Variants in TOP1 observed in about 807,000 individuals in gnomAD.
TOP1 encodes the protein DNA topoisomerase I.
TOP1 carries 10 observed loss-of-function variants against 111.1 expected under a neutral mutation model. The ratio of observed to expected loss-of-function variants is 0.09; its 90% CI spans 0.06 to 0.15. TOP1 has a LOEUF of 0.15. TOP1 is among the 10% of genes least tolerant of loss of function. The probability of loss-of-function intolerance (pLI) is 1.00; values close to 1 mark genes in which losing one functional copy is unlikely to be tolerated. For missense variants in TOP1, 474 were observed against 926.7 expected (o/e 0.51, Z 6.34); for synonymous variants, 271 against 302.9 (o/e 0.89, Z 1.10).
At position 41,114,953 on chromosome 20, in the gene TOP1, A is replaced by T. The variant is rs142860472; in HGVS notation, c.1639-418A>T. On this transcript the variant is annotated intron_variant, in intron 15 of 20. Transcript: ENST00000361337. This position sits in a 1 kb window ranked among gnomAD's most constrained non-coding sequence, Gnocchi z 4.5. ...GACAGATTAGATAACAGTATGTATCAATGTAAATTTTTGAAGCTGATACTG... is the reference window on the plus strand; with the variant it reads ...GACAGATTAGATAACAGTATGTATCTATGTAAATTTTTGAAGCTGATACTG... Among the ~76,000 whole-genome samples, 161 of 152,332 alleles carry T rather than the reference A, an allele frequency of 1.1e-3. No individual in the cohort carries two copies. The highest frequency in any genetic ancestry group is 3.6e-3 in the African/African-American group (148 of 41,564).
chr20:41,076,148 C>T, intron 3 of TOP1, 23 bp from the exon 4 acceptor site: 1 of 1,602,452 alleles, frequency 6.2e-7, no homozygotes. Context: ...TGGGCTAACG[C>T]TTTGTGACTT....
At chr20:41,093,961 G>A (rs1471043849) in intron 9 of TOP1, among the ~76,000 whole-genome samples, 1 of 152,202 alleles carries the variant, frequency 6.6e-6, no homozygotes, top group Non-Finnish European at 1.5e-5. Flanking sequence ...GCTAAGGTGG[G>A]AGGATTGCTT....
intron 5 of TOP1, 29 bp downstream of exon 5, chr20:41,077,666 C>G: frequency 2.5e-6 from 4 of 1,608,570 alleles, no homozygotes; most frequent in Non-Finnish European, 3.4e-6. Flanking sequence ...GTGGGCTTCC[C>G]TTTCTCTGGG....
At chr20:41,062,823 G>T (rs2033561549) in intron 3 of TOP1, among the ~76,000 whole-genome samples, 1 of 152,132 alleles carries the variant, frequency 6.6e-6, no homozygotes. Context: ...AATAATTAAG[G>T]ATATGGAAGA....
Position 41,092,412 on chromosome 20 carries a change from T to C in TOP1, c.615-60T>C. On this transcript the variant is annotated intron_variant, in intron 8 of 20. Transcript: ENST00000361337. The surrounding 1 kb of genome is among the most constrained non-coding windows in gnomAD (Gnocchi z 4.3). Reference sequence around the variant, plus strand: ...GGATAATTATTTGGCATTTAATCAGTGATGATCCCCATGTTAGACAAGGCG... The same window carrying C: ...GGATAATTATTTGGCATTTAATCAGCGATGATCCCCATGTTAGACAAGGCG... 1 of 806,262 alleles carries C rather than the reference T, an allele frequency of 1.2e-6. No individual in the cohort carries two copies. Among genetic ancestry groups the C allele is most frequent in the Non-Finnish European group, 2.0e-6 (1 of 500,492 alleles). The allele number at this position is 806,262 out of a possible 1,614,324, so 49.9% of individuals were successfully genotyped here.
At chr20:41,088,245 T>C (rs1043301351) in intron 8 of TOP1, among the ~76,000 whole-genome samples, 5 of 152,214 alleles carry the variant, frequency 3.3e-5, no homozygotes, top group Admixed American at 3.3e-4. Flanking sequence ...ACGCCTGTAA[T>C]CCCAGCACTT....
rs536866128 is a variant in TOP1, at chr20:41,034,531, G to A, written c.58+5076G>A. On this transcript the variant is annotated intron_variant, in intron 2 of 20. Transcript: ENST00000361337. The surrounding 1 kb of genome is among the most constrained non-coding windows in gnomAD (Gnocchi z 4.0). ...GGCAGGGTGGACAAAGTTTGATTGG[G>A]GGTTGCGGGGAAGCTTGTAGAGGAA... 1.1e-4 allele frequency among the ~76,000 whole-genome samples: 17 copies of A among 152,302 alleles called. No homozygotes were observed. Among genetic ancestry groups the A allele is most frequent in the Admixed American group, 4.6e-4 (7 of 15,308 alleles).
chr20:41,057,210 G>A (rs546648434), intron 2 of TOP1, among the ~76,000 whole-genome samples: 30 of 149,902 alleles, frequency 2.0e-4, no homozygotes, highest in South Asian at 1.1e-3. Flanking sequence ...AGGTTGCAGT[G>A]AGCCGAGATC....
Position 41,115,291 on chromosome 20 carries a change from A to G in TOP1, c.1639-80A>G. 2.1e-6 allele frequency: 2 copies of G among 965,102 alleles called. No homozygotes were observed. The highest frequency in any genetic ancestry group is 3.2e-6 in the Non-Finnish European group (2 of 619,892). The allele number at this position is 965,102 out of a possible 1,614,324, so 59.8% of individuals were successfully genotyped here. On this transcript the variant is annotated intron_variant, in intron 15 of 20. Coordinates refer to ENST00000361337, the MANE Select transcript of TOP1 (RefSeq NM_003286.4). This position sits in a 1 kb window ranked among gnomAD's most constrained non-coding sequence, Gnocchi z 6.3. ...TGTTCCTTGTGCCTTTTTCTTTGCAAGTTTCTTTAAGTTTGGGGTTATTTC... is the reference window on the plus strand; with the variant it reads ...TGTTCCTTGTGCCTTTTTCTTTGCAGGTTTCTTTAAGTTTGGGGTTATTTC...
In TOP1 at chr20:41,071,860, C is replaced by T. The variant is rs151162304; in HGVS notation, c.156-4311C>T. On this transcript the variant is annotated intron_variant, in intron 3 of 20. Transcript: ENST00000361337. This position sits in a 1 kb window ranked among gnomAD's most constrained non-coding sequence, Gnocchi z 4.3. ...CCTAGCCAATAATTGGTTGTTTTCTCGTTCAGAGTTCCTCATGCCCATGGG... is the reference window on the plus strand; with the variant it reads ...CCTAGCCAATAATTGGTTGTTTTCTTGTTCAGAGTTCCTCATGCCCATGGG... 2.0e-4 allele frequency among the ~76,000 whole-genome samples: 30 copies of T among 152,294 alleles called. No homozygotes were observed. The East Asian group carries it at 4.6e-3, about 24-fold the overall frequency.
Position 41,046,685 on chromosome 20 carries a change from G to T in TOP1, c.59-14709G>T, listed in dbSNP as rs2033338724. On this transcript the variant is annotated intron_variant, in intron 2 of 20. Transcript: ENST00000361337. The surrounding 1 kb of genome is among the most constrained non-coding windows in gnomAD (Gnocchi z 4.3). ...ACCTATTTGAGTATTCAAGAAAAAG[G>T]ATCTTTTTGTTAACTAAGGATTAAC... Among the ~76,000 whole-genome samples the T allele has an allele frequency of 1.3e-5, 2 of 152,156 alleles. No homozygotes were observed. The highest frequency in any genetic ancestry group is 4.1e-4 in the South Asian group (2 of 4,824).
In TOP1 at chr20:41,029,345, G is replaced by C. The variant is rs1490178618; in HGVS notation, c.34-86G>C. ...GTCCCCGTCCTCCCCGGGGGCGCAG[G>C]GTGAGCCAGACCCCGGCCGCGCGCG... On this transcript the variant is annotated intron_variant, in intron 1 of 20. Coordinates refer to ENST00000361337, the MANE Select transcript of TOP1 (RefSeq NM_003286.4). The surrounding 1 kb of genome is among the most constrained non-coding windows in gnomAD (Gnocchi z 6.1). The C allele has an allele frequency of 7.9e-7, 1 of 1,272,150 alleles. No homozygotes were observed. Among genetic ancestry groups the C allele is most frequent in the East Asian group, 2.8e-5 (1 of 35,296 alleles). 78.8% of individuals were successfully genotyped at this position (1,272,150 alleles called of 1,614,324 possible).
chr20:41,119,291 C>T (rs530362541), intron 18 of TOP1, among the ~76,000 whole-genome samples: 1 of 152,098 alleles, frequency 6.6e-6, no homozygotes. Context: ...GGTTTGTTCC[C>T]CATATTCATA....
chr20:41,059,617 A>G (rs1375308214), intron 2 of TOP1, among the ~76,000 whole-genome samples: 1 of 151,950 alleles, frequency 6.6e-6, no homozygotes, highest in Non-Finnish European at 1.5e-5. Context: ...GAGAGAGAGA[A>G]AATCTGTGTA....
chr20:41,106,048 A>T lies in TOP1; in HGVS notation c.1308+4695A>T, dbSNP rs1371561074. Among the ~76,000 whole-genome samples, 1 of 130,014 alleles carries T rather than the reference A, an allele frequency of 7.7e-6. No individual in the cohort carries two copies. The highest frequency in any genetic ancestry group is 1.5e-5 in the Non-Finnish European group (1 of 65,324). 85.3% of individuals were successfully genotyped at this position (130,014 alleles called of 152,430 possible). A position where few individuals can be genotyped will look rare whatever the true frequency, so the allele number is the denominator to read the frequency against. ...ATGTTTCTAAAGTTTTGCTTTTTAC[A>T]TTTGGGTCTTAGATCCACTAGAATG... is the stretch of plus-strand genomic sequence containing the variant. On this transcript the variant is annotated intron_variant, in intron 13 of 20. Transcript: ENST00000361337. This position sits in a 1 kb window ranked among gnomAD's most constrained non-coding sequence, Gnocchi z 4.3.
rs955841434 is a variant in TOP1, at chr20:41,079,349, T to G, written c.336-736T>G. On this transcript the variant is annotated intron_variant, in intron 5 of 20. Coordinates refer to ENST00000361337, the MANE Select transcript of TOP1 (RefSeq NM_003286.4). This position sits in a 1 kb window ranked among gnomAD's most constrained non-coding sequence, Gnocchi z 4.0. ...TGATTGCTGGGCTCTATGGTGTTTT[T>G]TACTTGTTCCTTCTCTGTTTTGGTT... 6.6e-6 allele frequency among the ~76,000 whole-genome samples: 1 copy of G among 152,204 alleles called. No homozygotes were observed. Among genetic ancestry groups the G allele is most frequent in the East Asian group, 1.9e-4 (1 of 5,198 alleles).
intron 2 of TOP1, among the ~76,000 whole-genome samples, chr20:41,050,813 C>T (rs894983150): frequency 2.0e-5 from 3 of 152,172 alleles, no homozygotes; most frequent in Non-Finnish European, 4.4e-5. Flanking sequence ...TCACTCAAGA[C>T]CAGCTTGTTA....
chr20:41,044,103 C>G (rs527430835), intron 2 of TOP1, among the ~76,000 whole-genome samples: 1 of 152,000 alleles, frequency 6.6e-6, no homozygotes, highest in Non-Finnish European at 1.5e-5. Flanking sequence ...ATGGAGAAAC[C>G]CCATCTCTAC....
Position 41,084,485 on chromosome 20 carries a change from G to C in TOP1, c.531G>C (p.Lys177Asn). Residue 177 changes from lysine (K) to asparagine (N), a missense_variant, in exon 8 of 21, where the codon AAG (lysine) becomes AAC (asparagine). This residue lies in a region of TOP1 where 185 missense variants were observed against 226.3 expected (regional missense o/e 0.82). Coordinates refer to ENST00000361337, the MANE Select transcript of TOP1 (RefSeq NM_003286.4). ...EEEDGKLKKP[K>N]NKDKDKKVPE... ...AGGATGGTAAATTGAAAAAACCCAA[G>C]AATAAAGATAAAGATAAAAAAGTTC... 1 of 1,567,692 alleles carries C rather than the reference G, an allele frequency of 6.4e-7. No homozygotes were observed. Among genetic ancestry groups the C allele is most frequent in the Non-Finnish European group, 8.7e-7 (1 of 1,155,684 alleles).
Sources: gnomAD v4.1 joint callset for allele counts (sites outside exome capture counted in the v4.1 genomes callset) on GRCh38, gnomAD v4.1.1 for gene constraint, gnomAD v4.1.1 regional missense constraint, Gnocchi (gnomAD v3.1) non-coding constraint, MANE v1.5 for transcripts, NCBI Gene and HGNC (gene_info 2026-07-23, HGNC 2026-07-21) for gene names.